Variants in MTHFD1 observed in about 807,000 individuals in gnomAD.
MTHFD1 encodes the protein methylenetetrahydrofolate dehydrogenase, cyclohydrolase and formyltetrahydrofolate synthetase 1.
A neutral mutation model predicts 110.3 loss-of-function variants in MTHFD1; 44 were observed. The observed-to-expected ratio is 0.40, with a 90% CI of 0.31 to 0.51. The LOEUF is 0.51. Ranked by LOEUF, MTHFD1 falls within the 20% of genes least tolerant of loss-of-function variation. The pLI is 0.60. For synonymous variants in MTHFD1, 402 were observed against 428.8 expected (o/e 0.94, Z 0.77); for missense variants, 909 against 1,173.1 (o/e 0.77, Z 3.29).
intron 21 of MTHFD1, among the ~76,000 whole-genome samples, chr14:64,442,695 C>T (rs1207249078): frequency 6.6e-6 from 1 of 152,160 alleles, no homozygotes; most frequent in African/African-American, 2.4e-5. Flanking sequence ...CCACAAAAAA[C>T]TGTTTTACGT....
chr14:64,458,545 G>A, intron 27 of MTHFD1: 1 of 534,982 alleles, frequency 1.9e-6, no homozygotes, highest in South Asian at 2.0e-5. Flanking sequence ...CAGGTTGACA[G>A]TGTAGGGGAG....
intron 22 of MTHFD1, among the ~76,000 whole-genome samples, chr14:64,446,437 T>C (rs1012534238): frequency 1.3e-5 from 2 of 152,210 alleles, no homozygotes; most frequent in Non-Finnish European, 2.9e-5. Context: ...GGTTTATGTT[T>C]ATAATTTTCC....
At chr14:64,459,537 G>A (rs1291471660) in intron 27 of MTHFD1, among the ~76,000 whole-genome samples, 1 of 152,174 alleles carries the variant, frequency 6.6e-6, no homozygotes, top group Admixed American at 6.5e-5. Context: ...CATGGCTCAC[G>A]GCTTGGTCTG....
Position 64,406,906 on chromosome 14 carries a change from C to T in MTHFD1, c.127-4184C>T, listed in dbSNP as rs543245224. 3.9e-5 allele frequency among the ~76,000 whole-genome samples: 6 copies of T among 152,288 alleles called. No homozygotes were observed. The South Asian group carries it at 6.2e-4, about 16-fold the overall frequency. ...AGATGTCCCCTTATAGCCATAGTAACTCATGCTCAAAGATCTTGGGTAGCT... is the reference window on the plus strand; with the variant it reads ...AGATGTCCCCTTATAGCCATAGTAATTCATGCTCAAAGATCTTGGGTAGCT... On this transcript the variant is annotated intron_variant, in intron 2 of 27. Transcript: ENST00000652337.
intron 4 of MTHFD1, among the ~76,000 whole-genome samples, chr14:64,414,183 A>G (rs751342707): frequency 6.6e-6 from 1 of 150,482 alleles, no homozygotes; most frequent in Non-Finnish European, 1.5e-5. Context: ...TTAATTGCCC[A>G]TATTGCCCAG....
intron 1 of MTHFD1, among the ~76,000 whole-genome samples, chr14:64,397,178 TATATATATATATAA>T (rs1427147347): frequency 0.11 from 1,718 of 15,256 alleles, 286 homozygotes; most frequent in Non-Finnish European, 0.13. Flanking sequence ...TATATATATA[TATATATATATATAA>T]AAAACAGTAA....
chr14:64,450,410 C>T (rs1180443164), intron 24 of MTHFD1, among the ~76,000 whole-genome samples: 1 of 152,200 alleles, frequency 6.6e-6, no homozygotes, highest in Non-Finnish European at 1.5e-5. Flanking sequence ...TGAGGGCCCT[C>T]ACATGCAAAA....
intron 8 of MTHFD1, among the ~76,000 whole-genome samples, chr14:64,422,767 G>A (rs1442163098): frequency 6.6e-6 from 1 of 152,092 alleles, no homozygotes; most frequent in Non-Finnish European, 1.5e-5. Context: ...AAATTCTAGG[G>A]CTGGGGGTAG....
chr14:64,411,065 G>T, intron 2 of MTHFD1, 25 bp from the exon 3 acceptor site: 1 of 1,551,214 alleles, frequency 6.4e-7, no homozygotes. Context: ...CTAATCATCT[G>T]ATTTGCATGC....
chr14:64,446,341 A>T (rs1232132167), intron 22 of MTHFD1, among the ~76,000 whole-genome samples: 3 of 152,216 alleles, frequency 2.0e-5, no homozygotes, highest in African/African-American at 7.2e-5. Flanking sequence ...GTTAACACAG[A>T]TGGGTCTCAC....
Position 64,447,454 on chromosome 14 carries a change from C to CTTT in MTHFD1, c.2179-746_2179-744dup, listed in dbSNP as rs34013579. 2.0e-3 allele frequency among the ~76,000 whole-genome samples: 253 copies of CTTT among 127,004 alleles called. 8 individuals are homozygous for CTTT. The highest frequency in any genetic ancestry group is 0.014 in the East Asian group (61 of 4,418). 83.3% of individuals were successfully genotyped at this position (127,004 alleles called of 152,430 possible). A position where few individuals can be genotyped will look rare whatever the true frequency, so the allele number is the denominator to read the frequency against. On this transcript the variant is annotated intron_variant, in intron 22 of 27. Transcript: ENST00000652337. ...CAGGCATAAGCCACCAGGTCCGGCC[C>CTTT]TTTTTTTTTTTTTTTTTTTAATTAA...
chr14:64,402,790 C>G (rs200468302), intron 2 of MTHFD1, among the ~76,000 whole-genome samples: 2 of 151,520 alleles, frequency 1.3e-5, no homozygotes, highest in Non-Finnish European at 2.9e-5. Flanking sequence ...GCTTAGGTGA[C>G]AGTGAGATCC....
In MTHFD1 at chr14:64,404,510, A is replaced by C. The variant is rs74550887; in HGVS notation, c.126+3633A>C. Among the ~76,000 whole-genome samples, 18 of 152,320 alleles carry C rather than the reference A, an allele frequency of 1.2e-4. No individual in the cohort carries two copies. In the East Asian group the frequency reaches 3.5e-3, roughly 29 times the overall value. ...ATTTTTACGGACAAATGTATGAAGG[A>C]ATGTTTGCAATCTTGATTTGGATGA... On this transcript the variant is annotated intron_variant, in intron 2 of 27. Coordinates refer to ENST00000652337, the MANE Select transcript of MTHFD1 (RefSeq NM_005956.4).
chr14:64,435,409 T>G (rs1052265912), intron 15 of MTHFD1, among the ~76,000 whole-genome samples, 160 bp from the exon 16 acceptor site: 2 of 152,192 alleles, frequency 1.3e-5, no homozygotes, highest in Admixed American at 6.5e-5. Context: ...AGGCTGACAG[T>G]AGGAAATAAC....
chr14:64,414,348 G>C (rs1429156063), intron 4 of MTHFD1, among the ~76,000 whole-genome samples: 2 of 135,820 alleles, frequency 1.5e-5, no homozygotes, highest in African/African-American at 5.6e-5. Context: ...GCTGGATGCA[G>C]TGGCATGATC....
At chr14:64,409,118 T>C (rs898264679) in intron 2 of MTHFD1, among the ~76,000 whole-genome samples, 1 of 152,170 alleles carries the variant, frequency 6.6e-6, no homozygotes, top group Non-Finnish European at 1.5e-5. Flanking sequence ...TTCAGAAATA[T>C]TCAGGCCGAA....
chr14:64,407,693 G>T (rs1473979904), intron 2 of MTHFD1, among the ~76,000 whole-genome samples: 1 of 151,710 alleles, frequency 6.6e-6, no homozygotes, highest in East Asian at 1.9e-4. Context: ...GGGACTACAG[G>T]CACACCACCA....
At position 64,426,132 on chromosome 14, in the gene MTHFD1, T is replaced by G. The variant is rs772463347; in HGVS notation, c.1067T>G (p.Leu356Arg). The G allele has an allele frequency of 1.9e-6, 3 of 1,614,212 alleles. No homozygotes were observed. In the South Asian group the frequency reaches 3.3e-5, roughly 18 times the overall value. Residue 356 changes from leucine (L) to arginine (R), a missense_variant, in exon 11 of 28, where the codon CTG (leucine) becomes CGG (arginine). Coordinates refer to ENST00000652337, the MANE Select transcript of MTHFD1 (RefSeq NM_005956.4). ...TATGGTGAAACAAAGGCCAAAGTTC[T>G]GCTGTCAGCACTAGAACGCCTGAAG... ...ELYGETKAKV[L>R]LSALERLKHR...
chr14:64,452,001 T>G (rs746562670), intron 24 of MTHFD1, among the ~76,000 whole-genome samples: 34 of 152,202 alleles, frequency 2.2e-4, no homozygotes, highest in Non-Finnish European at 4.1e-4. Context: ...TTGCTCCTTT[T>G]AAAAACAAAA....
Sources: gnomAD v4.1 joint callset for allele counts (sites outside exome capture counted in the v4.1 genomes callset) on GRCh38, gnomAD v4.1.1 for gene constraint, MANE v1.5 for transcripts, NCBI Gene and HGNC (gene_info 2026-07-23, HGNC 2026-07-21) for gene names.